The following R3HDM1 variants were observed in gnomAD, a reference collection of about 807,000 sequenced individuals.
R3HDM1 encodes R3H domain containing 1.
A neutral mutation model predicts 141.1 loss-of-function variants in R3HDM1; 46 were observed. That is an observed-to-expected ratio of 0.33 (90% CI 0.26 to 0.42). The LOEUF (loss-of-function observed/expected upper bound fraction) is 0.42, where lower values mean the gene tolerates loss of function less well. Ranked by LOEUF, R3HDM1 falls within the 10% of genes least tolerant of loss-of-function variation. The pLI is 1.00. For missense variants in R3HDM1, 1,184 were observed against 1,368.3 expected (o/e 0.87, Z 2.12); for synonymous variants, 435 against 472.9 (o/e 0.92, Z 1.04).
intron 9 of R3HDM1, 37 bp downstream of exon 9, chr2:135,632,038 T>C (rs775934012): frequency 7.0e-7 from 1 of 1,427,776 alleles, no homozygotes; most frequent in Non-Finnish European, 9.5e-7. Flanking sequence ...ATTATATATC[T>C]AAATAATAAT....
chr2:135,607,395 G>T (rs2060170155), intron 3 of R3HDM1: 2 of 938,554 alleles, frequency 2.1e-6, no homozygotes, highest in Middle Eastern at 5.5e-4. Flanking sequence ...AATTCCTCCA[G>T]CTATAAAAAA....
At chr2:135,594,588 C>T (rs536947327) in intron 1 of R3HDM1, among the ~76,000 whole-genome samples, 4 of 152,252 alleles carry the variant, frequency 2.6e-5, no homozygotes, top group South Asian at 2.1e-4. Context: ...ACAGCCATCC[C>T]GGCTCCCTCT....
Position 135,554,658 on chromosome 2 carries a change from T to C in R3HDM1, c.-250+23025T>C, listed in dbSNP as rs142946368. Among the ~76,000 whole-genome samples, 248 of 152,320 alleles carry C rather than the reference T, an allele frequency of 1.6e-3. 4 individuals carry two copies. Among genetic ancestry groups the C allele is most frequent in the African/African-American group, 5.5e-3 (230 of 41,588 alleles). On this transcript the variant is annotated intron_variant, in intron 1 of 26. Transcript: ENST00000683871. ...GATTAGGGGTGGGCCCCTATTTCAA[T>C]ATATTAATAACTGGTGTCTATAAAA...
intron 25 of R3HDM1, 107 bp from the exon 26 acceptor site, chr2:135,722,362 G>A: frequency 1.7e-6 from 2 of 1,151,466 alleles, no homozygotes; most frequent in Non-Finnish European, 2.5e-6. Context: ...TCTTCTGCCA[G>A]AGTGCAAAAC....
chr2:135,703,271 T>G (rs2074476014), intron 21 of R3HDM1, among the ~76,000 whole-genome samples: 1 of 152,358 alleles, frequency 6.6e-6, no homozygotes. Context: ...ACCTATTTAT[T>G]AAATGGGAAA....
Position 135,573,137 on chromosome 2 carries a change from A to G in R3HDM1, c.-249-29363A>G, listed in dbSNP as rs549002459. Reference sequence around the variant, plus strand: ...TTGAATTATACACTTTAAATGGGCAATTATATGACATGTCGTTTGTATGTC... The same window carrying G: ...TTGAATTATACACTTTAAATGGGCAGTTATATGACATGTCGTTTGTATGTC... On this transcript the variant is annotated intron_variant, in intron 1 of 26. Transcript: ENST00000683871. 1.1e-4 allele frequency among the ~76,000 whole-genome samples: 16 copies of G among 152,354 alleles called. No homozygotes were observed. The East Asian group carries it at 1.9e-3, about 18-fold the overall frequency.
chr2:135,720,057 G>A (rs1258972298), intron 24 of R3HDM1, among the ~76,000 whole-genome samples: 1 of 152,134 alleles, frequency 6.6e-6, no homozygotes, highest in Non-Finnish European at 1.5e-5. Flanking sequence ...TGTTGGCCAG[G>A]CTGATCTCGA....
At chr2:135,590,524 T>G in intron 1 of R3HDM1, 2 of 982,042 alleles carry the variant, frequency 2.0e-6, no homozygotes, top group Non-Finnish European at 2.4e-6. Context: ...AGCTAGGAAA[T>G]AAAGCCACAA....
chr2:135,661,595 C>A (rs534630595), intron 19 of R3HDM1, among the ~76,000 whole-genome samples: 2 of 152,312 alleles, frequency 1.3e-5, no homozygotes, highest in African/African-American at 4.8e-5. Context: ...CGTCTACATG[C>A]TAAAGGGTTG....
At chr2:135,607,486 ACTAATAGCACTTT>A (rs2060176602) in intron 3 of R3HDM1, among the ~76,000 whole-genome samples, 1 of 152,208 alleles carries the variant, frequency 6.6e-6, no homozygotes, top group Non-Finnish European at 1.5e-5. Flanking sequence ...AGTCATTTTT[ACTAATAGCACTTT>A]CTAGAACAAC....
At chr2:135,708,662 T>C (rs1200157258) in intron 21 of R3HDM1, among the ~76,000 whole-genome samples, 6 of 152,022 alleles carry the variant, frequency 3.9e-5, no homozygotes, top group African/African-American at 1.4e-4. Flanking sequence ...TTAATTTGAG[T>C]CTGAAAGACT....
chr2:135,616,575 A>T (rs1290928948), intron 4 of R3HDM1, 93 bp from the exon 5 acceptor site: 1 of 1,056,162 alleles, frequency 9.5e-7, no homozygotes, highest in African/African-American at 1.6e-5. Flanking sequence ...CATGGCAGAA[A>T]CTATAAAGAA....
intron 19 of R3HDM1, among the ~76,000 whole-genome samples, chr2:135,671,088 G>A (rs1173010664): frequency 1.3e-5 from 2 of 150,866 alleles, no homozygotes; most frequent in South Asian, 4.2e-4. Context: ...TAAATTAAAA[G>A]TAAAAATATT....
chr2:135,621,739 G>A lies in R3HDM1; in HGVS notation c.418+131G>A, dbSNP rs747492809. 2.0e-4 allele frequency: 259 copies of A among 1,282,124 alleles called. 2 individuals carry two copies. Among genetic ancestry groups the A allele is most frequent in the Admixed American group, 8.8e-4 (24 of 27,416 alleles). 79.4% of individuals were successfully genotyped at this position (1,282,124 alleles called of 1,614,324 possible). A position where few individuals can be genotyped will look rare whatever the true frequency, so the allele number is the denominator to read the frequency against. ...CAGAACAGACTGGAAGGATGATACAGTACTTAACTCATCTGGGCAAAATGG... is the reference window on the plus strand; with the variant it reads ...CAGAACAGACTGGAAGGATGATACAATACTTAACTCATCTGGGCAAAATGG... On this transcript the variant is annotated intron_variant, in intron 6 of 26. Coordinates refer to ENST00000683871, the MANE Select transcript of R3HDM1 (RefSeq NM_001378107.1).
intron 1 of R3HDM1, among the ~76,000 whole-genome samples, chr2:135,572,049 G>A (rs139657284): frequency 3.3e-5 from 5 of 152,114 alleles, no homozygotes; most frequent in East Asian, 3.9e-4. Flanking sequence ...TCCACCTCCC[G>A]GGTTCAAGCA....
chr2:135,618,947 G>A (rs1245024222), intron 5 of R3HDM1, among the ~76,000 whole-genome samples: 3 of 151,788 alleles, frequency 2.0e-5, no homozygotes, highest in Non-Finnish European at 2.9e-5. Flanking sequence ...TTGAACCCAG[G>A]AGGCAGAGGT....
At chr2:135,606,459 AC>A (rs955589532) in intron 3 of R3HDM1, 8 of 152,148 alleles carry the variant, frequency 5.3e-5, no homozygotes, top group Non-Finnish European at 1.0e-4. Flanking sequence ...TTAAGCTACC[AC>A]AAAAAGTTAT....
At chr2:135,687,566 A>T (rs2071572658) in intron 21 of R3HDM1, among the ~76,000 whole-genome samples, 1 of 150,470 alleles carries the variant, frequency 6.6e-6, no homozygotes, top group Non-Finnish European at 1.5e-5. Context: ...AAAAGCAAGT[A>T]TGAAAGCTTG....
At chr2:135,578,874 C>A (rs1338848150) in intron 1 of R3HDM1, among the ~76,000 whole-genome samples, 1 of 152,110 alleles carries the variant, frequency 6.6e-6, no homozygotes, top group Non-Finnish European at 1.5e-5. Flanking sequence ...AGATAGTAGG[C>A]TAGAATTAAC....
Sources: allele counts gnomAD v4.1 joint callset (sites outside exome capture counted in the v4.1 genomes callset), GRCh38; gene constraint gnomAD v4.1.1; transcripts MANE v1.5; gene names NCBI Gene and HGNC (gene_info 2026-07-23, HGNC 2026-07-21).